The following SYT1 variants were observed in gnomAD, a reference collection of about 807,000 sequenced individuals.
The protein encoded by SYT1 is synaptotagmin 1.
SYT1 carries 8 observed loss-of-function variants against 44.8 expected under a neutral mutation model. The ratio of observed to expected loss-of-function variants is 0.18; its 90% CI spans 0.10 to 0.32. The LOEUF (loss-of-function observed/expected upper bound fraction) is 0.32, where lower values mean the gene tolerates loss of function less well. Ranked by LOEUF, SYT1 falls within the 10% of genes least tolerant of loss-of-function variation. The pLI, the probability that SYT1 is intolerant of heterozygous loss-of-function variation, is 1.00. For synonymous variants in SYT1, 154 were observed against 188.8 expected (o/e 0.82, Z 1.51); for missense variants, 286 against 509.3 (o/e 0.56, Z 4.22).
rs149229586 is a variant in SYT1, at chr12:79,280,639, A to C, written c.167-5148A>C. ...AAGACCCCAAAAGCAAATGTAATAA[A>C]AACAAAAATAAATAAATAGGACTTA... On this transcript the variant is annotated intron_variant, in intron 4 of 10. Coordinates refer to ENST00000261205, the MANE Select transcript of SYT1 (RefSeq NM_005639.3). 4.0e-3 allele frequency among the ~76,000 whole-genome samples: 610 copies of C among 152,198 alleles called. 4 individuals carry two copies. The highest frequency in any genetic ancestry group is 0.014 in the African/African-American group (566 of 41,558).
chr12:79,207,344 G>A (rs1380156588), intron 3 of SYT1, among the ~76,000 whole-genome samples: 4 of 152,208 alleles, frequency 2.6e-5, no homozygotes, highest in African/African-American at 9.7e-5. Flanking sequence ...TCTCCTCAGA[G>A]AAAACAAAGT....
intron 6 of SYT1, among the ~76,000 whole-genome samples, chr12:79,294,570 T>C (rs972515137): frequency 3.3e-5 from 5 of 152,164 alleles, no homozygotes; most frequent in African/African-American, 9.6e-5. Flanking sequence ...CCTCATTCTT[T>C]ATTAACAAAA....
intron 1 of SYT1, among the ~76,000 whole-genome samples, chr12:78,896,339 G>A (rs551390198): frequency 6.6e-6 from 1 of 151,776 alleles, no homozygotes; most frequent in South Asian, 2.1e-4. Flanking sequence ...AGAATATATG[G>A]AAATATATGA....
At chr12:79,011,919 G>A (rs895033242) in intron 2 of SYT1, among the ~76,000 whole-genome samples, 8 of 152,014 alleles carry the variant, frequency 5.3e-5, no homozygotes, top group Non-Finnish European at 8.8e-5. Context: ...ATCACCTTAG[G>A]TCAGGAGTTC....
chr12:79,217,550 G>T lies in SYT1; in HGVS notation c.31G>T (p.Ala11Ser). 6.2e-7 allele frequency: 1 copy of T among 1,603,932 alleles called. No individual in the cohort carries two copies. MVSESHHEAL[A>S]APPVTTVATV... ...GAGCGAGAGTCACCATGAGGCCCTG[G>T]CAGCCCCGCCTGTCACCACTGTCGC... The change falls in exon 4 of 11, where the codon GCA becomes TCA. Residue 11 changes from alanine to serine, a missense_variant. By Grantham distance (99) the Ala-to-Ser change is moderately conservative. Around this residue, in one of 6 missense-constraint regions of SYT1, gnomAD observed 141 missense variants for 165.7 expected, o/e 0.85. Transcript: ENST00000261205.
At chr12:78,865,173 A>G (rs1340818674) in intron 1 of SYT1, 64 bp downstream of exon 1, 1 of 152,014 alleles carries the variant, frequency 6.6e-6, no homozygotes, top group East Asian at 1.9e-4. Context: ...ATCCATCCCA[A>G]AGATTTTCTT....
At chr12:78,993,584 G>A (rs1463255821) in intron 2 of SYT1, among the ~76,000 whole-genome samples, 4 of 152,066 alleles carry the variant, frequency 2.6e-5, no homozygotes, top group Non-Finnish European at 5.9e-5. Context: ...CTTCTGGAAA[G>A]AAAACCTTTC....
intron 2 of SYT1, chr12:79,036,692 A>G (rs914213966): frequency 1.3e-5 from 2 of 151,850 alleles, no homozygotes; most frequent in Non-Finnish European, 2.9e-5. Context: ...TCTCCTTTAT[A>G]TTAAAGCCCC....
chr12:79,031,926 A>G (rs1462739891), intron 2 of SYT1, among the ~76,000 whole-genome samples: 2 of 151,198 alleles, frequency 1.3e-5, no homozygotes, highest in Non-Finnish European at 3.0e-5. Flanking sequence ...TTGTGAAAAT[A>G]TATATATGTT....
At chr12:79,285,685 A>G in intron 4 of SYT1, 102 bp from the exon 5 acceptor site, 1 of 890,788 alleles carries the variant, frequency 1.1e-6, no homozygotes, top group Non-Finnish European at 1.7e-6. Context: ...CAGGTGCTCA[A>G]AAATGCAAAT....
intron 8 of SYT1, among the ~76,000 whole-genome samples, chr12:79,306,186 A>G (rs1350927144): frequency 2.0e-5 from 3 of 152,252 alleles, no homozygotes; most frequent in Admixed American, 6.5e-5. Context: ...AATATTTTCA[A>G]GTAGATTGGT....
At chr12:78,945,089 C>T (rs1878578805) in intron 1 of SYT1, among the ~76,000 whole-genome samples, 1 of 152,052 alleles carries the variant, frequency 6.6e-6, no homozygotes, top group Non-Finnish European at 1.5e-5. Context: ...CCTTCCTTGT[C>T]GATTTCTTAG....
At chr12:78,958,424 A>G (rs1879327233) in intron 1 of SYT1, among the ~76,000 whole-genome samples, 1 of 151,970 alleles carries the variant, frequency 6.6e-6, no homozygotes, top group African/African-American at 2.4e-5. Flanking sequence ...GCCGGGAGCC[A>G]TGGCTTACAC....
At chr12:79,331,161 A>G (rs1488785355) in intron 8 of SYT1, among the ~76,000 whole-genome samples, 7 of 152,130 alleles carry the variant, frequency 4.6e-5, no homozygotes, top group African/African-American at 7.2e-5. Context: ...AACTGTACCA[A>G]TCTCACCTAT....
rs1387657554 is a variant in SYT1 at position 79,188,363 on chromosome 12, G to T, written c.-17-29140G>T. Among the ~76,000 whole-genome samples, 3 of 152,060 alleles carry T rather than the reference G, an allele frequency of 2.0e-5. No homozygotes were observed. In the East Asian group the frequency reaches 5.8e-4, roughly 29 times the overall value. ...GTGCAAGATTTTTGATTGGATTTTA[G>T]AATTCAGATCTATGATTTAAAAGCA... On this transcript the variant is annotated intron_variant, in intron 3 of 10. Coordinates refer to ENST00000261205, the MANE Select transcript of SYT1 (RefSeq NM_005639.3).
intron 4 of SYT1, among the ~76,000 whole-genome samples, chr12:79,233,163 C>T (rs775758132): frequency 1.3e-5 from 2 of 152,174 alleles, no homozygotes; most frequent in Non-Finnish European, 2.9e-5. Context: ...CAAATTGGTC[C>T]TCCAGCTAAA....
Position 79,164,213 on chromosome 12 carries a change from C to T in SYT1, c.-17-53290C>T, listed in dbSNP as rs972640878. On this transcript the variant is annotated intron_variant, in intron 3 of 10. Coordinates refer to ENST00000261205, the MANE Select transcript of SYT1 (RefSeq NM_005639.3). ...TTAAGAAATGTTGGTGCTTTACCATCGGGGATAAATTACTGGTGTCCCAAG... is the reference window on the plus strand; with the variant it reads ...TTAAGAAATGTTGGTGCTTTACCATTGGGGATAAATTACTGGTGTCCCAAG... Among the ~76,000 whole-genome samples the T allele has an allele frequency of 5.9e-5, 9 of 152,058 alleles. 1 individual carries two copies. Among genetic ancestry groups the T allele is most frequent in the African/African-American group, 1.7e-4 (7 of 41,432 alleles).
chr12:79,106,508 T>G (rs1878727196), intron 3 of SYT1, among the ~76,000 whole-genome samples: 1 of 152,012 alleles, frequency 6.6e-6, no homozygotes, highest in African/African-American at 2.4e-5. Context: ...AATGCTTTTT[T>G]TTTTTTTGCT....
chr12:79,357,701 G>T (rs561339716), intron 9 of SYT1, among the ~76,000 whole-genome samples: 4 of 152,342 alleles, frequency 2.6e-5, no homozygotes, highest in African/African-American at 9.6e-5. Flanking sequence ...CAGGCTGCAA[G>T]ACTGTTCTTC....
Sources: gnomAD v4.1 joint callset for allele counts (sites outside exome capture counted in the v4.1 genomes callset) on GRCh38, gnomAD v4.1.1 for gene constraint, gnomAD v4.1.1 regional missense constraint, MANE v1.5 for transcripts, NCBI Gene and HGNC (gene_info 2026-07-23, HGNC 2026-07-21) for gene names.